Variants in APPL1 observed in about 807,000 individuals in gnomAD.
APPL1 encodes adaptor protein, phosphotyrosine interacting with PH domain and leucine zipper 1, also known as DCC-interacting protein 13-alpha.
In APPL1, 42 loss-of-function variants were observed where a neutral mutation model predicts 106.8. That is an observed-to-expected ratio of 0.39 (90% CI 0.31 to 0.51). APPL1 has a LOEUF of 0.51. Ranked by LOEUF, APPL1 falls within the 20% of genes least tolerant of loss-of-function variation. The pLI is 0.75. For missense variants in APPL1, 769 were observed against 858.2 expected, an observed-to-expected ratio of 0.90 and a Z score of 1.30; for synonymous variants, 263 against 281.8, an observed-to-expected ratio of 0.93 and a Z score of 0.67.
chr3:57,249,511 C>A lies in APPL1; in HGVS notation c.1015C>A (p.Arg339=), dbSNP rs371202748. The A allele has an allele frequency of 1.6e-5, 26 of 1,600,106 alleles. No homozygotes were observed. The African/African-American group carries it at 3.2e-4, about 20-fold the overall frequency. Residue 339 remains arginine, a synonymous_variant, in exon 11 of 22, where the codon CGA becomes AGA. Coordinates refer to ENST00000288266, the MANE Select transcript of APPL1 (RefSeq NM_012096.3). ...SVMAVDCEDR[R]YCFQITSFDG... ...GATGGCTGTGGACTGTGAAGACAGACGATATTGTTTTCAGATCACCTCTTT... is the reference window on the plus strand; with the variant it reads ...GATGGCTGTGGACTGTGAAGACAGAAGATATTGTTTTCAGATCACCTCTTT...
chr3:57,227,888 C>G lies in APPL1; in HGVS notation c.5C>G (p.Pro2Arg), dbSNP rs752732231. The change falls in exon 1 of 22, where the codon CCG (proline) becomes CGG (arginine). Residue 2 changes from proline to arginine, a missense_variant. By Grantham distance (103) the Pro-to-Arg change is moderately radical. Transcript: ENST00000288266. Reference sequence around the variant, plus strand: ...CACCGCCCTCCCTCCGCCACGATGCCGGGGATCGACAAGCTGCCCATCGAG... The same window carrying G: ...CACCGCCCTCCCTCCGCCACGATGCGGGGGATCGACAAGCTGCCCATCGAG... M[P>R]GIDKLPIEET... 1 of 1,467,480 alleles carries G rather than the reference C, an allele frequency of 6.8e-7. No individual in the cohort carries two copies. Among genetic ancestry groups the G allele is most frequent in the Non-Finnish European group, 9.0e-7 (1 of 1,107,096 alleles). The allele number at this position is 1,467,480 out of a possible 1,614,324, so 90.9% of individuals were successfully genotyped here.
intron 7 of APPL1, among the ~76,000 whole-genome samples, chr3:57,244,263 C>T (rs1255820039): frequency 6.6e-6 from 1 of 151,962 alleles, no homozygotes; most frequent in Non-Finnish European, 1.5e-5. Flanking sequence ...TCAAGTGATC[C>T]TCCTGTTTCA....
chr3:57,235,967 A>G (rs2060714129), intron 2 of APPL1, among the ~76,000 whole-genome samples: 1 of 152,032 alleles, frequency 6.6e-6, no homozygotes, highest in Non-Finnish European at 1.5e-5. Context: ...TAAGATTTGA[A>G]TGAAGACCCC....
intron 16 of APPL1, 113 bp from the exon 17 acceptor site, chr3:57,259,732 C>G (rs1224413468): frequency 1.1e-6 from 1 of 903,316 alleles, no homozygotes; most frequent in East Asian, 2.9e-5. Context: ...CACTAGAAAA[C>G]CTAAAAGGAG....
chr3:57,261,646 G>A (rs971417951), intron 19 of APPL1, among the ~76,000 whole-genome samples: 2 of 152,078 alleles, frequency 1.3e-5, no homozygotes, highest in African/African-American at 4.8e-5. Context: ...AGCCTCCCGA[G>A]TAGCTGGGAT....
chr3:57,261,017 C>T (rs2060862373), intron 19 of APPL1, among the ~76,000 whole-genome samples: 1 of 152,104 alleles, frequency 6.6e-6, no homozygotes, highest in African/African-American at 2.4e-5. Flanking sequence ...GAAGTATAGT[C>T]ACCCTACTCT....
chr3:57,245,391 A>G (rs2060767191), intron 7 of APPL1, among the ~76,000 whole-genome samples: 1 of 152,168 alleles, frequency 6.6e-6, no homozygotes, highest in Admixed American at 6.5e-5. Flanking sequence ...GGAGGGGAGA[A>G]TGGTATGCTG....
At chr3:57,258,360 G>A (rs974850832) in intron 15 of APPL1, among the ~76,000 whole-genome samples, 1 of 152,128 alleles carries the variant, frequency 6.6e-6, no homozygotes, top group Non-Finnish European at 1.5e-5. Flanking sequence ...GGTTCTTCCT[G>A]TGTTGCCCTA....
At chr3:57,260,339 A>G in intron 18 of APPL1, 186 bp downstream of exon 18, 1 of 628,060 alleles carries the variant, frequency 1.6e-6, no homozygotes, top group South Asian at 2.8e-5. Flanking sequence ...TATGTAACTT[A>G]AAAGAATTAA....
At chr3:57,238,572 GGTA>G (rs1317151648) in intron 4 of APPL1, among the ~76,000 whole-genome samples, 1 of 152,188 alleles carries the variant, frequency 6.6e-6, no homozygotes, top group Non-Finnish European at 1.5e-5. Flanking sequence ...AGGAAAAAAA[GGTA>G]GTGAGAGATT....
intron 20 of APPL1, 108 bp downstream of exon 20, chr3:57,267,900 T>C (rs917483981): frequency 3.6e-6 from 4 of 1,107,604 alleles, no homozygotes; most frequent in South Asian, 1.3e-5. Context: ...GAGACTAACC[T>C]GGCCAACATG....
At chr3:57,249,253 G>A (rs1244072520) in intron 10 of APPL1, 107 bp from the exon 11 acceptor site, 1 of 1,060,374 alleles carries the variant, frequency 9.4e-7, no homozygotes, top group East Asian at 2.5e-5. Flanking sequence ...GCATCTTGGT[G>A]CCTCTTCGCA....
intron 11 of APPL1, among the ~76,000 whole-genome samples, chr3:57,249,762 A>T (rs189358674): frequency 6.6e-6 from 1 of 151,870 alleles, no homozygotes; most frequent in Non-Finnish European, 1.5e-5. Flanking sequence ...GCAATGTCAT[A>T]TAGTAAAGAC....
chr3:57,268,827 A>G (rs1452129959), intron 21 of APPL1: 1 of 156,496 alleles, frequency 6.4e-6, no homozygotes, highest in Non-Finnish European at 1.4e-5. Flanking sequence ...AAATAAATAA[A>G]TATATATGTT....
rs2060785702 is a variant in APPL1, at chr3:57,248,304, T to C, written c.816T>C (p.Pro272=). The part of the protein sequence containing the change: ...YVPDPDPTKF[P]VNRNLTRKAG... Reference sequence around the variant, plus strand: ...CTGACCCAGACCCCACCAAATTTCCTGTTAATCGAAATTTAACCCGAAAGG... The same window carrying C: ...CTGACCCAGACCCCACCAAATTTCCCGTTAATCGAAATTTAACCCGAAAGG... The change falls in exon 10 of 22, where the codon CCT becomes CCC. Residue 272 remains proline (P), a synonymous_variant. Transcript: ENST00000288266. The C allele has an allele frequency of 6.2e-7, 1 of 1,614,044 alleles. No homozygotes were observed. The highest frequency in any genetic ancestry group is 1.1e-5 in the South Asian group (1 of 91,088).
At position 57,271,805 on chromosome 3, in the gene APPL1, T is replaced by A. The variant is rs1559517835; in HGVS notation, c.*2118T>A. 1 of 152,194 alleles carries A rather than the reference T, an allele frequency of 6.6e-6. No individual in the cohort carries two copies. The highest frequency in any genetic ancestry group is 1.5e-5 in the Non-Finnish European group (1 of 68,030). The allele number at this position is 152,194 out of a possible 1,614,324, so 9.4% of individuals were successfully genotyped here. ...AATTTCTACAATAATAAACCCATCA[T>A]CTCCATAGGTCAGATCGAAGTGCAT... On this transcript the variant is annotated 3_prime_UTR_variant, in exon 22 of 22. Transcript: ENST00000288266.
At chr3:57,242,640 G>C (rs2060752824) in intron 6 of APPL1, among the ~76,000 whole-genome samples, 1 of 152,130 alleles carries the variant, frequency 6.6e-6, no homozygotes, top group African/African-American at 2.4e-5. Context: ...TAGTGCATTA[G>C]TTTCCTTGGA....
chr3:57,253,779 G>A, intron 13 of APPL1, 41 bp downstream of exon 13: 1 of 1,333,646 alleles, frequency 7.5e-7, no homozygotes, highest in South Asian at 1.7e-5. Flanking sequence ...TAGCAAAATT[G>A]AGTAATTTTG....
At chr3:57,229,906 G>T (rs1035153770) in intron 1 of APPL1, among the ~76,000 whole-genome samples, 1 of 151,926 alleles carries the variant, frequency 6.6e-6, no homozygotes. Context: ...TAGAGACGGG[G>T]TTTTGCCATG....
Sources: gnomAD v4.1 joint callset for allele counts (sites outside exome capture counted in the v4.1 genomes callset) on GRCh38, gnomAD v4.1.1 for gene constraint, MANE v1.5 for transcripts, NCBI Gene and HGNC (gene_info 2026-07-23, HGNC 2026-07-21) for gene names.